The following EHMT1 variants were observed in gnomAD, a reference collection of about 807,000 sequenced individuals.
The protein encoded by EHMT1 is euchromatic histone lysine methyltransferase 1.
EHMT1 carries 15 observed loss-of-function variants against 147.2 expected under a neutral mutation model. The ratio of observed to expected loss-of-function variants is 0.10; its 90% confidence interval spans 0.07 to 0.16. The LOEUF is 0.16. Ranked by LOEUF, EHMT1 falls within the 10% of genes least tolerant of loss-of-function variation. EHMT1 has a pLI of 1.00. For missense variants in EHMT1, 1,587 were observed against 1,772.4 expected (o/e 0.90, Z 1.88); for synonymous variants, 795 against 709.6 (o/e 1.12, Z -1.91).
chr9:137,676,784 T>C (rs1021181344), intron 1 of EHMT1, among the ~76,000 whole-genome samples: 7 of 152,124 alleles, frequency 4.6e-5, no homozygotes, highest in Non-Finnish European at 1.0e-4. Flanking sequence ...AATTCCGCCT[T>C]CCGCAGGGGA....
chr9:137,652,574 TGGG>T (rs1236430654), intron 1 of EHMT1, among the ~76,000 whole-genome samples: 1 of 150,988 alleles, frequency 6.6e-6, no homozygotes, highest in Non-Finnish European at 1.5e-5. Flanking sequence ...TTAGTAGAGG[TGGG>T]GTTTTGCCAT....
chr9:137,657,515 TAAA>T (rs1348420692), intron 1 of EHMT1, among the ~76,000 whole-genome samples: 2 of 150,428 alleles, frequency 1.3e-5, no homozygotes, highest in Non-Finnish European at 3.0e-5. Flanking sequence ...TTTTTTTTAA[TAAA>T]AATTTTTTAT....
At chr9:137,654,176 C>G (rs1323400880) in intron 1 of EHMT1, among the ~76,000 whole-genome samples, 1 of 152,144 alleles carries the variant, frequency 6.6e-6, no homozygotes, top group African/African-American at 2.4e-5. Flanking sequence ...CCAGCTTGGC[C>G]AACATGGCGA....
intron 14 of EHMT1, among the ~76,000 whole-genome samples, chr9:137,781,553 G>C (rs1037030480): frequency 6.6e-6 from 1 of 152,196 alleles, no homozygotes; most frequent in Admixed American, 6.5e-5. Flanking sequence ...GGACAAAGTA[G>C]GCTTCAGCTA....
chr9:137,694,517 G>A (rs932004084), intron 1 of EHMT1, among the ~76,000 whole-genome samples: 11 of 152,072 alleles, frequency 7.2e-5, no homozygotes, highest in Admixed American at 2.6e-4. Context: ...CTCGTTGGTC[G>A]GCAGTCTTGT....
rs1952072012 is a variant in EHMT1 at position 137,787,456 on chromosome 9, G to A, written c.2383-3392G>A. Among the ~76,000 whole-genome samples, 2 of 152,200 alleles carry A rather than the reference G, an allele frequency of 1.3e-5. No individual in the cohort carries two copies. Among genetic ancestry groups the A allele is most frequent in the South Asian group, 2.1e-4 (1 of 4,832 alleles). On this transcript the variant is annotated intron_variant, in intron 15 of 26. Coordinates refer to ENST00000460843, the MANE Select transcript of EHMT1 (RefSeq NM_024757.5). The surrounding 1 kb of genome is among the most constrained non-coding windows in gnomAD (Gnocchi z 4.2). Reference sequence around the variant, plus strand: ...CACAGCCTTGCCTCTGGGTGTAGGGGAAACAGAGGCATGACTGACCAGGGC... The same window carrying A: ...CACAGCCTTGCCTCTGGGTGTAGGGAAAACAGAGGCATGACTGACCAGGGC...
chr9:137,793,378 A>G (rs1049783819), intron 16 of EHMT1, among the ~76,000 whole-genome samples: 2 of 152,260 alleles, frequency 1.3e-5, no homozygotes, highest in African/African-American at 4.8e-5. Flanking sequence ...AAGCCAAATC[A>G]GAGCCACAGG....
intron 24 of EHMT1, 57 bp from the exon 25 acceptor site, chr9:137,818,003 G>A: frequency 6.4e-7 from 1 of 1,552,890 alleles, no homozygotes; most frequent in South Asian, 1.1e-5. Context: ...GGCTGTGCTT[G>A]TCTGTGGGCA....
At chr9:137,709,690 T>G (rs1385781636) in intron 1 of EHMT1, among the ~76,000 whole-genome samples, 3 of 152,028 alleles carry the variant, frequency 2.0e-5, no homozygotes, top group Admixed American at 6.6e-5. Flanking sequence ...TGATAGTCAA[T>G]TAAAGATGGA....
intron 22 of EHMT1, 36 bp from the exon 23 acceptor site, chr9:137,815,911 A>AC (rs1184874636): frequency 6.6e-7 from 1 of 1,524,200 alleles, no homozygotes; most frequent in Non-Finnish European, 9.0e-7. Flanking sequence ...AGAGTGAGTA[A>AC]CCTCTGCTGG....
intron 1 of EHMT1, among the ~76,000 whole-genome samples, chr9:137,668,686 C>A (rs938713908): frequency 6.6e-6 from 1 of 152,044 alleles, no homozygotes; most frequent in Non-Finnish European, 1.5e-5. Flanking sequence ...TTTGCCTGTT[C>A]TCTGTTGTCT....
At chr9:137,691,567 C>T (rs1478049694) in intron 1 of EHMT1, among the ~76,000 whole-genome samples, 1 of 152,128 alleles carries the variant, frequency 6.6e-6, no homozygotes, top group East Asian at 1.9e-4. Flanking sequence ...CACCCCTTGG[C>T]TATTGCAAGC....
intron 1 of EHMT1, among the ~76,000 whole-genome samples, chr9:137,671,019 C>G (rs991054154): frequency 6.6e-6 from 1 of 152,246 alleles, no homozygotes; most frequent in East Asian, 1.9e-4. Flanking sequence ...CCGCTGTGCA[C>G]GTGGTTGAAT....
chr9:137,834,939 G>A lies in EHMT1; in HGVS notation c.3883G>A (p.Ala1295Thr), dbSNP rs775220788. 2.3e-5 allele frequency: 35 copies of A among 1,513,824 alleles called. No homozygotes were observed. Among genetic ancestry groups the A allele is most frequent in the Admixed American group, 4.5e-5 (2 of 44,688 alleles). 93.8% of individuals were successfully genotyped at this position (1,513,824 alleles called of 1,614,324 possible). ...GLPDTSSAAA[A>T]DPL is the part of the protein sequence containing the mutation. ...GCCCGACACCAGCTCCGCGGCTGCC[G>A]CCGACCCCCTATGAGACGCCGCCGG... Residue 1295 changes from alanine (A) to threonine (T), a missense_variant, in exon 27 of 27, where the codon GCC (alanine) becomes ACC (threonine). Around this residue, in one of 7 missense-constraint regions of EHMT1, gnomAD observed 141 missense variants for 150.8 expected, o/e 0.94. Coordinates refer to ENST00000460843, the MANE Select transcript of EHMT1 (RefSeq NM_024757.5).
chr9:137,795,501 C>G (rs1419692180), intron 16 of EHMT1, among the ~76,000 whole-genome samples: 2 of 151,976 alleles, frequency 1.3e-5, no homozygotes, highest in Non-Finnish European at 2.9e-5. Context: ...CGTAGACACA[C>G]CCATTCACCT....
chr9:137,719,079 AC>A (rs890751543), intron 3 of EHMT1, among the ~76,000 whole-genome samples: 2 of 152,164 alleles, frequency 1.3e-5, no homozygotes, highest in African/African-American at 4.8e-5. Context: ...TTTAAAAAAT[AC>A]TGAATTCTAT....
chr9:137,798,740 G>A (rs1953178751), intron 16 of EHMT1, 73 bp from the exon 17 acceptor site: 14 of 1,247,606 alleles, frequency 1.1e-5, no homozygotes, highest in Middle Eastern at 2.0e-4. Context: ...GGTTCTCCTG[G>A]ATCCCGCACT....
intron 1 of EHMT1, among the ~76,000 whole-genome samples, chr9:137,679,243 C>T (rs955592320): frequency 1.3e-5 from 2 of 152,162 alleles, no homozygotes; most frequent in African/African-American, 4.8e-5. Context: ...GCCACTGTGC[C>T]CGACCTGAGA....
intron 1 of EHMT1, among the ~76,000 whole-genome samples, chr9:137,662,808 A>T (rs11137171): frequency 0.013 from 614 of 47,700 alleles, 7 homozygotes; most frequent in African/African-American, 0.052. Flanking sequence ...TTATTTATTT[A>T]TTTTTGACAG....
Sources: allele counts gnomAD v4.1 joint callset (sites outside exome capture counted in the v4.1 genomes callset), GRCh38; gene constraint gnomAD v4.1.1; regional missense constraint gnomAD v4.1.1; non-coding constraint Gnocchi (gnomAD v3.1); transcripts MANE v1.5; gene names NCBI Gene and HGNC (gene_info 2026-07-23, HGNC 2026-07-21).